Variants in ASTN2 observed in about 807,000 individuals in gnomAD.
ASTN2 encodes the protein astrotactin 2, also known as astrotactin-2.
In ASTN2, 54 loss-of-function variants were observed where a neutral mutation model predicts 139.8. That is an observed-to-expected ratio of 0.39 (90% CI 0.31 to 0.48). The LOEUF is 0.48. ASTN2 is among the 20% of genes least tolerant of loss of function. ASTN2 has a pLI of 0.95. For synonymous variants in ASTN2, 756 were observed against 719.5 expected (o/e 1.05, Z -0.81); for missense variants, 1,565 against 1,725.1 (o/e 0.91, Z 1.64).
At chr9:117,091,258 A>C (rs1828698388) in intron 5 of ASTN2, among the ~76,000 whole-genome samples, 1 of 152,200 alleles carries the variant, frequency 6.6e-6, no homozygotes, top group African/African-American at 2.4e-5. Context: ...TGTTTCTTTC[A>C]AACATTCACT....
chr9:116,573,729 G>C (rs935174313), intron 19 of ASTN2, among the ~76,000 whole-genome samples: 9 of 152,204 alleles, frequency 5.9e-5, no homozygotes, highest in Non-Finnish European at 1.0e-4. Flanking sequence ...TTAAATGACA[G>C]ATGAGAAGAG....
chr9:116,593,207 G>A (rs919378681), intron 19 of ASTN2, among the ~76,000 whole-genome samples: 7 of 152,190 alleles, frequency 4.6e-5, no homozygotes, highest in Admixed American at 1.3e-4. Context: ...GGCTGGGTGC[G>A]GTAACATCTG....
rs569207493 is a variant in ASTN2, at chr9:116,965,717, C to T, written c.1889+9491G>A. Among the ~76,000 whole-genome samples, 99 of 152,302 alleles carry T rather than the reference C, an allele frequency of 6.5e-4. No homozygotes were observed. The Middle Eastern group carries it at 0.01, about 16-fold the overall frequency. ...CATTAAGCTAACTTGAATTGGGCCT[C>T]TGTCCCCTGAATCCCAAACCATCCT... On this transcript the variant is annotated intron_variant, in intron 10 of 22. Coordinates refer to ENST00000313400, the MANE Select transcript of ASTN2 (RefSeq NM_001365068.1).
At chr9:116,779,529 C>A (rs1177910027) in intron 13 of ASTN2, among the ~76,000 whole-genome samples, 3 of 152,042 alleles carry the variant, frequency 2.0e-5, no homozygotes, top group African/African-American at 7.2e-5. Flanking sequence ...AACACAGACA[C>A]CTCCCTACAT....
chr9:117,130,838 G>T (rs73657670), intron 4 of ASTN2, among the ~76,000 whole-genome samples: 1,810 of 152,204 alleles, frequency 0.012, 39 homozygotes, highest in Middle Eastern at 0.068. Flanking sequence ...TAGAATAAAA[G>T]CTTGATTAAA....
chr9:116,724,840 A>G (rs1828572957), intron 16 of ASTN2, among the ~76,000 whole-genome samples: 1 of 152,220 alleles, frequency 6.6e-6, no homozygotes, highest in Non-Finnish European at 1.5e-5. Context: ...TATATCAAGA[A>G]GCATTTCAGT....
At position 116,729,100 on chromosome 9, in the gene ASTN2, G is replaced by A. The variant is rs1828709444; in HGVS notation, c.2522-4C>T. 1.3e-6 allele frequency: 2 copies of A among 1,574,640 alleles called. No individual in the cohort carries two copies. Among genetic ancestry groups the A allele is most frequent in the East Asian group, 2.3e-5 (1 of 43,168 alleles). ...GCCTCATCATACCTGATATCTCCTG[G>A]GAGAGAAAATAAGATGGTCACGTGA... On this transcript the variant is annotated splice_region_variant and splice_polypyrimidine_tract_variant and intron_variant, in intron 14 of 22. Coordinates refer to ENST00000313400, the MANE Select transcript of ASTN2 (RefSeq NM_001365068.1).
chr9:116,699,677 C>CCAT lies in ASTN2; in HGVS notation c.2806+26091_2806+26093dup. Reference sequence around the variant, plus strand: ...ATCATTGCATCAAGATCTACAGCTACCATCTGAGAAGATATTCCACCCCAT... The same window carrying CCAT: ...ATCATTGCATCAAGATCTACAGCTACCATCATCTGAGAAGATATTCCACCCCAT... On this transcript the variant is annotated intron_variant, in intron 16 of 22. Coordinates refer to ENST00000313400, the MANE Select transcript of ASTN2 (RefSeq NM_001365068.1). This position sits in a 1 kb window ranked among gnomAD's most constrained non-coding sequence, Gnocchi z 4.2. The CCAT allele has an allele frequency of 6.2e-7, 1 of 1,614,164 alleles. No individual in the cohort carries two copies. Among genetic ancestry groups the CCAT allele is most frequent in the Non-Finnish European group, 8.5e-7 (1 of 1,180,038 alleles).
intron 10 of ASTN2, among the ~76,000 whole-genome samples, chr9:116,891,762 T>C (rs1358973663): frequency 6.6e-6 from 1 of 152,244 alleles, no homozygotes; most frequent in Non-Finnish European, 1.5e-5. Context: ...TTTGACATGT[T>C]CCATGATAAA....
At chr9:117,020,941 G>T (rs1255297020) in intron 6 of ASTN2, among the ~76,000 whole-genome samples, 1 of 152,118 alleles carries the variant, frequency 6.6e-6, no homozygotes, top group Admixed American at 6.6e-5. Flanking sequence ...ACACTCTCCA[G>T]TGGCGCTTCA....
intron 11 of ASTN2, among the ~76,000 whole-genome samples, chr9:116,862,589 G>A (rs1337921659): frequency 1.3e-5 from 2 of 152,146 alleles, no homozygotes; most frequent in African/African-American, 4.8e-5. Flanking sequence ...GAAGGTACAA[G>A]AAAAGGTTCT....
At chr9:116,655,226 C>T (rs1324338925) in intron 16 of ASTN2, among the ~76,000 whole-genome samples, 1 of 152,304 alleles carries the variant, frequency 6.6e-6, no homozygotes, top group East Asian at 1.9e-4. Flanking sequence ...AGATGAAACA[C>T]CATTAGCCAT....
At chr9:117,406,434 A>G (rs1372271844) in intron 1 of ASTN2, among the ~76,000 whole-genome samples, 1 of 152,146 alleles carries the variant, frequency 6.6e-6, no homozygotes, top group Non-Finnish European at 1.5e-5. Flanking sequence ...AGTAGTCTGT[A>G]CAGCCCTACA....
At chr9:116,803,522 A>ATATTTTTTT (rs1554748694) in intron 13 of ASTN2, among the ~76,000 whole-genome samples, 5 of 21,132 alleles carry the variant, frequency 2.4e-4, no homozygotes, top group Non-Finnish European at 4.0e-4. Context: ...ATATATATAT[A>ATATTTTTTT]TTTTTTTTTT....
At position 116,459,632 on chromosome 9, in the gene ASTN2, G is replaced by A. The variant is rs77035045; in HGVS notation, c.3498-17079C>T. On this transcript the variant is annotated intron_variant, in intron 20 of 22. Coordinates refer to ENST00000313400, the MANE Select transcript of ASTN2 (RefSeq NM_001365068.1). ...TCTCTAAAAAAAAGACATTCAAATGGCTAATAAGCACATGAAAATATGCTT... is the reference window on the plus strand; with the variant it reads ...TCTCTAAAAAAAAGACATTCAAATGACTAATAAGCACATGAAAATATGCTT... 3.2e-4 allele frequency among the ~76,000 whole-genome samples: 49 copies of A among 152,134 alleles called. No individual in the cohort carries two copies. In the South Asian group the frequency reaches 3.3e-3, roughly 10 times the overall value.
At chr9:117,061,023 GC>G (rs1201710070) in intron 5 of ASTN2, among the ~76,000 whole-genome samples, 1 of 152,150 alleles carries the variant, frequency 6.6e-6, no homozygotes, top group Non-Finnish European at 1.5e-5. Flanking sequence ...CAGTTTACCA[GC>G]ATACCACTGG....
chr9:117,054,773 G>A (rs1839011104), intron 5 of ASTN2, among the ~76,000 whole-genome samples: 1 of 152,142 alleles, frequency 6.6e-6, no homozygotes, highest in South Asian at 2.1e-4. Context: ...TTCATTGCAA[G>A]GAAAGTGGAC....
intron 16 of ASTN2, among the ~76,000 whole-genome samples, chr9:116,680,201 G>T (rs11515492): frequency 6.6e-6 from 1 of 151,870 alleles, no homozygotes. Flanking sequence ...TATCACCACC[G>T]ATCCCACGGA....
At chr9:117,085,486 T>C (rs1054295891) in intron 5 of ASTN2, among the ~76,000 whole-genome samples, 1 of 152,320 alleles carries the variant, frequency 6.6e-6, no homozygotes, top group Non-Finnish European at 1.5e-5. Flanking sequence ...AGGCTCTCGA[T>C]AAACTGGGAT....
Sources: gnomAD v4.1 joint callset for allele counts (sites outside exome capture counted in the v4.1 genomes callset) on GRCh38, gnomAD v4.1.1 for gene constraint, Gnocchi (gnomAD v3.1) non-coding constraint, MANE v1.5 for transcripts, NCBI Gene and HGNC (gene_info 2026-07-23, HGNC 2026-07-21) for gene names.